RRN3: variants seen among roughly 807,000 people sequenced by gnomAD.
RRN3 encodes the protein RNA polymerase I transcription factor RRN3.
In RRN3, 38 loss-of-function variants were observed where a neutral mutation model predicts 82.3. The ratio of observed to expected loss-of-function variants is 0.46; its 90% CI spans 0.36 to 0.61. The LOEUF (loss-of-function observed/expected upper bound fraction) is 0.61. RRN3 is among the 20% of genes least tolerant of loss of function. The pLI is 0.00. For synonymous variants in RRN3, 284 were observed against 284.3 expected (o/e 1.00, Z 0.01); for missense variants, 726 against 793.1 (o/e 0.92, Z 1.02).
chr16:15,084,163 A>G (rs2045820285), intron 7 of RRN3, among the ~76,000 whole-genome samples: 1 of 152,192 alleles, frequency 6.6e-6, no homozygotes, highest in African/African-American at 2.4e-5. Context: ...GACATTTCCC[A>G]CTACACATGT....
At chr16:15,063,104 A>T in intron 17 of RRN3, 92 bp downstream of exon 17, 1 of 943,924 alleles carries the variant, frequency 1.1e-6, no homozygotes, top group South Asian at 1.3e-5. Flanking sequence ...TGCGGGGATT[A>T]CACGCACGAA....
chr16:15,074,546 C>A lies in RRN3; in HGVS notation c.997+177G>T, dbSNP rs533748246. On this transcript the variant is annotated intron_variant, in intron 11 of 17. Transcript: ENST00000198767. ...ATATAACTCAGCCAGAATCCCAGTC[C>A]CATTTTCAAGCTATGTGACTGGCAA... 9 of 455,992 alleles carry A rather than the reference C, an allele frequency of 2.0e-5. No individual in the cohort carries two copies. The South Asian group carries it at 4.6e-4, about 23-fold the overall frequency. 28.2% of individuals were successfully genotyped at this position (455,992 alleles called of 1,614,324 possible).
At chr16:15,071,419 A>G (rs1400712833) in intron 12 of RRN3, among the ~76,000 whole-genome samples, 168 bp from the exon 13 acceptor site, 1 of 152,228 alleles carries the variant, frequency 6.6e-6, no homozygotes, top group Non-Finnish European at 1.5e-5. Context: ...ATTAAAAACA[A>G]AAGGCACCTC....
intron 9 of RRN3, among the ~76,000 whole-genome samples, chr16:15,079,327 T>C (rs2045600716): frequency 1.3e-5 from 2 of 152,212 alleles, no homozygotes; most frequent in African/African-American, 4.8e-5. Flanking sequence ...GTTTTAACTG[T>C]TTATAATTAT....
chr16:15,087,061 G>A (rs1208386718), intron 3 of RRN3, among the ~76,000 whole-genome samples: 1 of 152,068 alleles, frequency 6.6e-6, no homozygotes, highest in Non-Finnish European at 1.5e-5. Flanking sequence ...TGCTAAATTT[G>A]AAACGCAATG....
rs930699642 is a variant in RRN3, at chr16:15,060,055, G to C, written c.*1689C>G. Reference sequence around the variant, plus strand: ...ACATGTATTGAGGTACCTTTTATTGGTATAAGAACGTAAGTTCCAGATTAA... The same window carrying C: ...ACATGTATTGAGGTACCTTTTATTGCTATAAGAACGTAAGTTCCAGATTAA... On this transcript the variant is annotated 3_prime_UTR_variant, in exon 18 of 18. Transcript: ENST00000198767. The C allele has an allele frequency of 4.1e-6, 1 of 245,070 alleles. No individual in the cohort carries two copies. 15.2% of individuals were successfully genotyped at this position (245,070 alleles called of 1,614,324 possible).
chr16:15,070,531 C>T (rs1567194713), intron 13 of RRN3, among the ~76,000 whole-genome samples: 1 of 152,060 alleles, frequency 6.6e-6, no homozygotes, highest in Non-Finnish European at 1.5e-5. Context: ...GTTCTCCTAA[C>T]CATCTCAAAG....
intron 3 of RRN3, among the ~76,000 whole-genome samples, chr16:15,089,786 CAAAAAAA>C (rs142235345): frequency 7.5e-5 from 5 of 66,568 alleles, no homozygotes; most frequent in African/African-American, 7.0e-5. Flanking sequence ...GGCGACAGAG[CAAAAAAA>C]AAAAAAAAAA....
intron 16 of RRN3, among the ~76,000 whole-genome samples, chr16:15,064,528 G>A (rs1597873410): frequency 6.6e-6 from 1 of 152,106 alleles, no homozygotes; most frequent in African/African-American, 2.4e-5. Context: ...GGTCTCTAGA[G>A]GAAGGAACAA....
rs767347602 is a variant in RRN3 at position 15,070,033 on chromosome 16, C to G, written c.1444+37G>C. On this transcript the variant is annotated intron_variant, in intron 14 of 17. Coordinates refer to ENST00000198767, the MANE Select transcript of RRN3 (RefSeq NM_018427.5). ...ACCATTCTGAAGGGTGACAAGAACACAAGGAAAATCCAGTCCAGCACTCCC... is the reference window on the plus strand; with the variant it reads ...ACCATTCTGAAGGGTGACAAGAACAGAAGGAAAATCCAGTCCAGCACTCCC... The G allele has an allele frequency of 7.3e-6, 8 of 1,090,002 alleles. No individual in the cohort carries two copies. In the African/African-American group the frequency reaches 9.6e-5, roughly 13 times the overall value. The allele number at this position is 1,090,002 out of a possible 1,614,324, so 67.5% of individuals were successfully genotyped here.
rs779591243 is a variant in RRN3, at chr16:15,083,586, T to A, written c.597-4A>T. 6.3e-7 allele frequency: 1 copy of A among 1,597,982 alleles called. No homozygotes were observed. Among genetic ancestry groups the A allele is most frequent in the East Asian group, 2.2e-5 (1 of 44,812 alleles). ...TGGCATGAGAAACCACGGTGTCCTA[T>A]TTTTAAAAAATTAAATCAATCCATG... On this transcript the variant is annotated splice_polypyrimidine_tract_variant and splice_region_variant and intron_variant, in intron 7 of 17. Coordinates refer to ENST00000198767, the MANE Select transcript of RRN3 (RefSeq NM_018427.5).
intron 9 of RRN3, among the ~76,000 whole-genome samples, chr16:15,077,113 G>A (rs1397831477): frequency 1.3e-5 from 2 of 151,628 alleles, no homozygotes; most frequent in Non-Finnish European, 2.9e-5. Flanking sequence ...CCGAGTAGCT[G>A]GGATTACAGT....
At position 15,063,272 on chromosome 16, in the gene RRN3, A is replaced by C. The variant is rs2044794715; in HGVS notation, c.1718T>G (p.Phe573Cys). 4 of 1,612,252 alleles carry C rather than the reference A, an allele frequency of 2.5e-6. No homozygotes were observed. The highest frequency in any genetic ancestry group is 1.1e-5 in the South Asian group (1 of 91,024). The change falls in exon 17 of 18, where the codon TTC becomes TGC. Residue 573 changes from phenylalanine to cysteine, a missense_variant. Around this residue, in one of 4 missense-constraint regions of RRN3, gnomAD observed 166 missense variants for 154.8 expected, o/e 1.07. Transcript: ENST00000198767. ...DPCVLKRSKK[F>C]IDPIYQVWED... ...CCACACCTGATAAATAGGATCAATG[A>C]ATTTCTTTGACCTGTCAACAAAGAT...
At chr16:15,086,104 A>T in intron 5 of RRN3, 25 bp downstream of exon 5, 2 of 1,599,114 alleles carry the variant, frequency 1.3e-6, no homozygotes, top group Non-Finnish European at 1.7e-6. Flanking sequence ...TTAAAAAGAA[A>T]ATAAAATTCC....
At chr16:15,076,387 T>A (rs2045455325) in intron 10 of RRN3, 171 bp downstream of exon 10, 1 of 635,382 alleles carries the variant, frequency 1.6e-6, no homozygotes, top group Non-Finnish European at 2.9e-6. Context: ...AGACCAACTA[T>A]GCTAAGTGCT....
rs767841351 is a variant in RRN3 at position 15,071,081 on chromosome 16, G to A, written c.1259+40C>T. On this transcript the variant is annotated intron_variant, in intron 13 of 17. Transcript: ENST00000198767. The stretch of plus-strand genomic sequence containing the variant: ...GAGACAATGCTATACTCTTTTTAAA[G>A]CATGATATTAAAAAGTATTCGGAAA... The A allele has an allele frequency of 1.9e-6, 3 of 1,546,282 alleles. No individual in the cohort carries two copies. The South Asian group carries it at 3.5e-5, about 18-fold the overall frequency.
intron 16 of RRN3, among the ~76,000 whole-genome samples, chr16:15,064,160 A>T (rs540905662): frequency 1.3e-5 from 2 of 151,768 alleles, no homozygotes; most frequent in Non-Finnish European, 2.9e-5. Flanking sequence ...ATCTAGATAA[A>T]TCGCTTTTTG....
intron 10 of RRN3, among the ~76,000 whole-genome samples, chr16:15,075,154 G>A (rs2045397281): frequency 1.3e-5 from 2 of 151,496 alleles, no homozygotes; most frequent in Non-Finnish European, 2.9e-5. Context: ...GGAGGCAGAG[G>A]CAGGAAAATA....
chr16:15,063,243 C>T lies in RRN3; in HGVS notation c.1747G>A (p.Asp583Asn), dbSNP rs757361237. ...TCCTGTAGCTCTTCAGCACTCATGT[C>T]TTCCCACACCTGATAAATAGGATCA... ...FIDPIYQVWE[D>N]MSAEELQEFK... The change falls in exon 17 of 18, where the codon GAC becomes AAC. Residue 583 changes from aspartate to asparagine, a missense_variant. By Grantham distance (23) the Asp-to-Asn change is conservative. Around this residue, in one of 4 missense-constraint regions of RRN3, gnomAD observed 166 missense variants for 154.8 expected, o/e 1.07. Coordinates refer to ENST00000198767, the MANE Select transcript of RRN3 (RefSeq NM_018427.5). The T allele has an allele frequency of 6.2e-7, 1 of 1,613,696 alleles. No individual in the cohort carries two copies. Among genetic ancestry groups the T allele is most frequent in the Admixed American group, 1.7e-5 (1 of 60,018 alleles).
Sources: gnomAD v4.1 joint callset for allele counts (sites outside exome capture counted in the v4.1 genomes callset) on GRCh38, gnomAD v4.1.1 for gene constraint, gnomAD v4.1.1 regional missense constraint, MANE v1.5 for transcripts, NCBI Gene and HGNC (gene_info 2026-07-23, HGNC 2026-07-21) for gene names.